PAICS: variants seen among roughly 807,000 people sequenced by gnomAD.
The protein encoded by PAICS is phosphoribosylaminoimidazole carboxylase and phosphoribosylaminoimidazolesuccinocarboxamide synthase.
A neutral mutation model predicts 53.7 loss-of-function variants in PAICS; 33 were observed. The ratio of observed to expected loss-of-function variants is 0.61; its 90% CI spans 0.47 to 0.82. The LOEUF (loss-of-function observed/expected upper bound fraction) is 0.82. Among genes scored for constraint, PAICS ranks in the 40% least tolerant of loss-of-function variants. The pLI is 0.00. For synonymous variants in PAICS, 141 were observed against 167.2 expected, an observed-to-expected ratio of 0.84 and a Z score of 1.21; for missense variants, 394 against 494.1, an observed-to-expected ratio of 0.80 and a Z score of 1.92.
the PAICS span, among the ~76,000 whole-genome samples, chr4:56,412,183 C>T: frequency 6.6e-6 from 1 of 152,164 alleles, no homozygotes; most frequent in Non-Finnish European, 1.5e-5. Flanking sequence ...CTTTCAGGTA[C>T]TCCCTTGGCT....
the PAICS span, chr4:56,410,592 T>C: frequency 9.1e-6 from 9 of 986,172 alleles, no homozygotes; most frequent in South Asian, 4.7e-5. Context: ...GAAAAAAATA[T>C]ACGAAAACAA....
chr4:56,429,631 C>T, the PAICS span, among the ~76,000 whole-genome samples: 1 of 152,206 alleles, frequency 6.6e-6, no homozygotes, highest in South Asian at 2.1e-4. Context: ...TAAAATAATC[C>T]AGCTTTAATG....
intron 8 of PAICS, 89 bp downstream of exon 8, chr4:56,453,850 G>A: frequency 2.3e-6 from 2 of 887,638 alleles, no homozygotes; most frequent in South Asian, 2.1e-5. Flanking sequence ...AAAATCTCAT[G>A]TACCCATGAC....
upstream of PAICS, chr4:56,435,323 C>T: frequency 6.2e-7 from 1 of 1,612,654 alleles, no homozygotes. Context: ...AGACGCACGC[C>T]CCCGCCACCC....
the PAICS span, among the ~76,000 whole-genome samples, chr4:56,426,238 T>TA: frequency 6.6e-6 from 1 of 152,014 alleles, no homozygotes; most frequent in Non-Finnish European, 1.5e-5. Flanking sequence ...CCATCTCTAC[T>TA]AAAAATACAA....
At chr4:56,459,146 A>G in intron 8 of PAICS, among the ~76,000 whole-genome samples, 1 of 152,218 alleles carries the variant, frequency 6.6e-6, no homozygotes, top group East Asian at 1.9e-4. Context: ...GATGATATAT[A>G]TAAAATATCT....
In PAICS at chr4:56,460,002, A is replaced by G. The variant is rs1719425029; in HGVS notation, c.*464A>G. 6.6e-6 allele frequency: 1 copy of G among 151,636 alleles called. No homozygotes were observed. Among genetic ancestry groups the G allele is most frequent in the Admixed American group, 6.7e-5 (1 of 14,998 alleles). 9.4% of individuals were successfully genotyped at this position (151,636 alleles called of 1,614,324 possible). Reference sequence around the variant, plus strand: ...CCTCCTGGGCTCAAGCAGTTCTCCCACCTCAGCCTCTCGACTAACAGGGAC... The same window carrying G: ...CCTCCTGGGCTCAAGCAGTTCTCCCGCCTCAGCCTCTCGACTAACAGGGAC... On this transcript the variant is annotated 3_prime_UTR_variant, in exon 9 of 9. Coordinates refer to ENST00000512576, the MANE Select transcript of PAICS (RefSeq NM_001079524.2).
chr4:56,459,666 G>T lies in PAICS; in HGVS notation c.*128G>T, dbSNP rs1053880215. On this transcript the variant is annotated 3_prime_UTR_variant, in exon 9 of 9. Coordinates refer to ENST00000512576, the MANE Select transcript of PAICS (RefSeq NM_001079524.2). Reference sequence around the variant, plus strand: ...AAATAAAATGTATTAGTGAATAAATGCTTCTCTAGATCCATATTAATAAAC... The same window carrying T: ...AAATAAAATGTATTAGTGAATAAATTCTTCTCTAGATCCATATTAATAAAC... The T allele has an allele frequency of 1.5e-6, 1 of 657,886 alleles. No individual in the cohort carries two copies. The highest frequency in any genetic ancestry group is 2.5e-6 in the Non-Finnish European group (1 of 393,192). The allele number at this position is 657,886 out of a possible 1,614,324, so 40.8% of individuals were successfully genotyped here.
chr4:56,415,223 A>G, the PAICS span, among the ~76,000 whole-genome samples: 3 of 152,218 alleles, frequency 2.0e-5, no homozygotes, highest in Non-Finnish European at 4.4e-5. Flanking sequence ...AGAAGTGGAA[A>G]AACATTTGGC....
At chr4:56,423,800 T>G in the PAICS span, among the ~76,000 whole-genome samples, 38 of 152,150 alleles carry the variant, frequency 2.5e-4, no homozygotes, top group East Asian at 4.4e-3. Flanking sequence ...AAAGCAAAGA[T>G]ATAAACCCAC....
At position 56,459,663 on chromosome 4, in the gene PAICS, A is replaced by G; in HGVS notation, c.*125A>G. The stretch of plus-strand genomic sequence containing the variant: ...CACAAATAAAATGTATTAGTGAATA[A>G]ATGCTTCTCTAGATCCATATTAATA... On this transcript the variant is annotated 3_prime_UTR_variant, in exon 9 of 9. Coordinates refer to ENST00000512576, the MANE Select transcript of PAICS (RefSeq NM_001079524.2). The G allele has an allele frequency of 1.5e-6, 1 of 674,586 alleles. No individual in the cohort carries two copies. Among genetic ancestry groups the G allele is most frequent in the South Asian group, 2.3e-5 (1 of 43,946 alleles). 41.8% of individuals were successfully genotyped at this position (674,586 alleles called of 1,614,324 possible).
the PAICS span, chr4:56,429,015 A>G: frequency 1.1e-6 from 1 of 950,056 alleles, no homozygotes; most frequent in Non-Finnish European, 1.3e-6. Flanking sequence ...GGTAAGAGCC[A>G]GAGAAATAAC....
upstream of PAICS, chr4:56,435,709 C>G: frequency 6.8e-7 from 1 of 1,468,008 alleles, no homozygotes; most frequent in Non-Finnish European, 9.0e-7. Context: ...AGGGGCGGTC[C>G]CGCGGCTGAG....
At chr4:56,443,767 A>G (rs1718453939) in intron 2 of PAICS, among the ~76,000 whole-genome samples, 1 of 152,176 alleles carries the variant, frequency 6.6e-6, no homozygotes, top group South Asian at 2.1e-4. Flanking sequence ...CAGTTGTGTT[A>G]TGTTTGTCCA....
At chr4:56,440,823 G>A (rs963012651) in intron 1 of PAICS, among the ~76,000 whole-genome samples, 3 of 152,186 alleles carry the variant, frequency 2.0e-5, no homozygotes, top group Non-Finnish European at 4.4e-5. Flanking sequence ...TGGATACACC[G>A]GGAAAATGTT....
chr4:56,449,035 GTTATC>G (rs1039994568), intron 5 of PAICS, among the ~76,000 whole-genome samples: 1 of 152,122 alleles, frequency 6.6e-6, no homozygotes, highest in Admixed American at 6.5e-5. Context: ...TTTCTCATCT[GTTATC>G]TTAATAACAT....
intron 7 of PAICS, 45 bp downstream of exon 7, chr4:56,452,097 C>T (rs1718948350): frequency 1.5e-6 from 2 of 1,320,812 alleles, no homozygotes; most frequent in East Asian, 4.8e-5. Context: ...TCTGATTTTG[C>T]TAAAAGTAAT....
rs934607293 is a variant in PAICS, at chr4:56,463,037, A to G, written c.*3499A>G. ...AAGAAAGAAAATTACCTGGAATTCA[A>G]TATTGCCATCGGCTGATTTAATTTC... On this transcript the variant is annotated 3_prime_UTR_variant, in exon 9 of 9. Transcript: ENST00000512576. The G allele has an allele frequency of 6.6e-6, 1 of 152,122 alleles. No homozygotes were observed. Among genetic ancestry groups the G allele is most frequent in the Non-Finnish European group, 1.5e-5 (1 of 68,030 alleles). The allele number at this position is 152,122 out of a possible 1,614,324, so 9.4% of individuals were successfully genotyped here.
intron 2 of PAICS, among the ~76,000 whole-genome samples, chr4:56,444,583 G>A (rs1192190219): frequency 6.6e-6 from 1 of 152,068 alleles, no homozygotes; most frequent in African/African-American, 2.4e-5. Flanking sequence ...TTAGTAACCT[G>A]AATGAGAGTT....
Sources: gnomAD v4.1 joint callset for allele counts (sites outside exome capture counted in the v4.1 genomes callset) on GRCh38, gnomAD v4.1.1 for gene constraint, MANE v1.5 for transcripts, NCBI Gene and HGNC (gene_info 2026-07-23, HGNC 2026-07-21) for gene names.